AHCYL2: variants seen among roughly 807,000 people sequenced by gnomAD.
AHCYL2 encodes the protein adenosylhomocysteinase like 2, also known as S-adenosylhomocysteine hydrolase-like protein 2.
Under a neutral mutation model 81.4 loss-of-function variants are expected in AHCYL2, and 28 were observed. The observed-to-expected ratio is 0.34, with a 90% confidence interval of 0.25 to 0.47. AHCYL2 has a LOEUF of 0.47. Ranked by LOEUF, AHCYL2 falls within the 20% of genes least tolerant of loss-of-function variation. The pLI, the probability that AHCYL2 is intolerant of heterozygous loss-of-function variation, is 1.00. For missense variants in AHCYL2, 551 were observed against 785.1 expected, an observed-to-expected ratio of 0.70 and a Z score of 3.56; for synonymous variants, 272 against 290.2, an observed-to-expected ratio of 0.94 and a Z score of 0.64.
intron 1 of AHCYL2, among the ~76,000 whole-genome samples, chr7:129,260,481 T>C (rs1795586363): frequency 6.6e-6 from 1 of 152,222 alleles, no homozygotes; most frequent in African/African-American, 2.4e-5. Flanking sequence ...TCATTCCTGC[T>C]TCTCTTAATC....
intron 10 of AHCYL2, among the ~76,000 whole-genome samples, chr7:129,407,991 A>C (rs1245138299): frequency 6.6e-6 from 1 of 152,244 alleles, no homozygotes; most frequent in Non-Finnish European, 1.5e-5. Flanking sequence ...ATAGCATGGC[A>C]GATTTAAGAA....
At chr7:129,375,809 A>G in intron 1 of AHCYL2, 1 of 1,533,040 alleles carries the variant, frequency 6.5e-7, no homozygotes, top group Non-Finnish European at 8.7e-7. Context: ...AGGAAAGTTT[A>G]AAGGCCTGAT....
chr7:129,346,253 C>G (rs1793358592), intron 1 of AHCYL2, among the ~76,000 whole-genome samples: 1 of 152,132 alleles, frequency 6.6e-6, no homozygotes. Context: ...AAAGTCCTGT[C>G]TTTGCTGTTT....
intron 1 of AHCYL2, among the ~76,000 whole-genome samples, chr7:129,310,872 G>A (rs1160485413): frequency 6.6e-6 from 1 of 152,112 alleles, no homozygotes; most frequent in African/African-American, 2.4e-5. Flanking sequence ...CACTTTGGGA[G>A]GCTGATGTGG....
chr7:129,319,356 C>T (rs1797933729), intron 1 of AHCYL2, among the ~76,000 whole-genome samples: 1 of 151,630 alleles, frequency 6.6e-6, no homozygotes, highest in Non-Finnish European at 1.5e-5. Flanking sequence ...GTAGGAGGCT[C>T]AGGCAATCCC....
chr7:129,354,742 A>G (rs369378218), intron 1 of AHCYL2, among the ~76,000 whole-genome samples: 80 of 152,352 alleles, frequency 5.3e-4, no homozygotes, highest in African/African-American at 1.7e-3. Flanking sequence ...TTGGCAGAAG[A>G]TTTTGACTAC....
chr7:129,312,181 C>T (rs769436447), intron 1 of AHCYL2, among the ~76,000 whole-genome samples: 1 of 152,048 alleles, frequency 6.6e-6, no homozygotes, highest in African/African-American at 2.4e-5. Context: ...ACCTGTTGGG[C>T]TTAAGTGATT....
intron 1 of AHCYL2, among the ~76,000 whole-genome samples, chr7:129,256,956 C>G (rs1392929943): frequency 2.6e-5 from 4 of 151,930 alleles, no homozygotes; most frequent in Non-Finnish European, 5.9e-5. Flanking sequence ...TTTTATTGTG[C>G]TGTTGAATTG....
At chr7:129,271,371 A>G (rs1334619764) in intron 1 of AHCYL2, among the ~76,000 whole-genome samples, 4 of 151,928 alleles carry the variant, frequency 2.6e-5, no homozygotes, top group Non-Finnish European at 5.9e-5. Flanking sequence ...AAAAAAAAAA[A>G]AAAAAAAAGA....
chr7:129,250,973 G>A (rs1446161050), intron 1 of AHCYL2, among the ~76,000 whole-genome samples: 4 of 152,170 alleles, frequency 2.6e-5, no homozygotes, highest in African/African-American at 9.6e-5. Flanking sequence ...CAAAACCGGT[G>A]AAGCCTTTGT....
intron 1 of AHCYL2, among the ~76,000 whole-genome samples, chr7:129,286,528 T>C (rs1389951502): frequency 1.3e-4 from 20 of 152,218 alleles, no homozygotes; most frequent in Admixed American, 1.3e-3. Flanking sequence ...TGGCATGCGC[T>C]TAGCTCACTA....
chr7:129,269,572 C>A (rs1423230326), intron 1 of AHCYL2, among the ~76,000 whole-genome samples: 1 of 134,458 alleles, frequency 7.4e-6, no homozygotes, highest in African/African-American at 2.8e-5. Context: ...TAGGCGGGAG[C>A]CACTGTGCCG....
rs145524462 is a variant in AHCYL2, at chr7:129,426,540, G to A, written c.1806G>A (p.Gly602=). The part of the protein sequence containing the change: ...QAKYLGLNKN[G]PFKPNYYRY Reference sequence around the variant, plus strand: ...AGTATCTGGGACTCAACAAGAATGGGCCCTTCAAGCCTAATTACTACAGGT... The same window carrying A: ...AGTATCTGGGACTCAACAAGAATGGACCCTTCAAGCCTAATTACTACAGGT... The change falls in exon 16 of 17, where the codon GGG becomes GGA. Residue 602 remains glycine, a synonymous_variant. Coordinates refer to ENST00000325006, the MANE Select transcript of AHCYL2 (RefSeq NM_015328.4). This position sits in a 1 kb window ranked among gnomAD's most constrained non-coding sequence, Gnocchi z 4.3. 4 of 1,613,852 alleles carry A rather than the reference G, an allele frequency of 2.5e-6. No individual in the cohort carries two copies. The highest frequency in any genetic ancestry group is 3.4e-6 in the Non-Finnish European group (4 of 1,179,942).
intron 1 of AHCYL2, among the ~76,000 whole-genome samples, chr7:129,252,946 T>C (rs1054771321): frequency 3.3e-5 from 5 of 152,100 alleles, no homozygotes. Flanking sequence ...CGGTGGCTCA[T>C]GCCTGTAATC....
rs1797490436 is a variant in AHCYL2 at position 129,429,402 on chromosome 7, G to C, written c.*2357G>C. ...TTCTTTCCTCCAACCTCTTACCTTA[G>C]ATGCATCCTGGTTATCTGGAAGCAT... On this transcript the variant is annotated 3_prime_UTR_variant, in exon 17 of 17. Transcript: ENST00000325006. 1 of 152,312 alleles carries C rather than the reference G, an allele frequency of 6.6e-6. No homozygotes were observed. Among genetic ancestry groups the C allele is most frequent in the African/African-American group, 2.4e-5 (1 of 41,556 alleles). 9.4% of individuals were successfully genotyped at this position (152,312 alleles called of 1,614,324 possible).
chr7:129,405,268 T>G, intron 8 of AHCYL2, 55 bp downstream of exon 8: 1 of 1,388,968 alleles, frequency 7.2e-7, no homozygotes, highest in Non-Finnish European at 9.9e-7. Flanking sequence ...GATTCTAAGT[T>G]TTTTGGCTTT....
In AHCYL2 at chr7:129,399,141, CAA is replaced by C. The variant is rs71162600; in HGVS notation, c.824-1127_824-1126del. On this transcript the variant is annotated intron_variant, in intron 5 of 16. Transcript: ENST00000325006. ...TGGGTGACAGAGTGAGACTCCATCT[CAA>C]AAAAAAAAAAAAAAAAAAAAAGAGG... Among the ~76,000 whole-genome samples, 311 of 44,914 alleles carry C rather than the reference CAA, an allele frequency of 6.9e-3. 1 individual carries two copies. The highest frequency in any genetic ancestry group is 0.022 in the Middle Eastern group (1 of 46). 29.5% of individuals were successfully genotyped at this position (44,914 alleles called of 152,430 possible). A position where few individuals can be genotyped will look rare whatever the true frequency, so the allele number is the denominator to read the frequency against.
rs540332736 is a variant in AHCYL2, at chr7:129,260,912, C to A, written c.363+35473C>A. Among the ~76,000 whole-genome samples the A allele has an allele frequency of 1.1e-3, 161 of 152,288 alleles. 1 individual carries two copies. Among genetic ancestry groups the A allele is most frequent in the African/African-American group, 3.6e-3 (150 of 41,552 alleles). On this transcript the variant is annotated intron_variant, in intron 1 of 16. Coordinates refer to ENST00000325006, the MANE Select transcript of AHCYL2 (RefSeq NM_015328.4). ...CAAGTGATTCTCCTGCCTCAGCCTC[C>A]CGAGTAGCTGGGATTACAGGCGTAC...
chr7:129,251,628 A>C (rs1422060479), intron 1 of AHCYL2, among the ~76,000 whole-genome samples: 1 of 152,062 alleles, frequency 6.6e-6, no homozygotes, highest in Non-Finnish European at 1.5e-5. Flanking sequence ...CAAAGTGGTG[A>C]GATTACAGGT....
Sources: allele counts gnomAD v4.1 joint callset (sites outside exome capture counted in the v4.1 genomes callset), GRCh38; gene constraint gnomAD v4.1.1; non-coding constraint Gnocchi (gnomAD v3.1); transcripts MANE v1.5; gene names NCBI Gene and HGNC (gene_info 2026-07-23, HGNC 2026-07-21).